Variants in LRRC7 observed in about 807,000 individuals in gnomAD.
The protein encoded by LRRC7 is leucine rich repeat containing 7.
In LRRC7, 23 loss-of-function variants were observed where a neutral mutation model predicts 175.7. That is an observed-to-expected ratio of 0.13 (90% CI 0.09 to 0.19). The LOEUF is 0.19. Ranked by LOEUF, LRRC7 falls within the 10% of genes least tolerant of loss-of-function variation. The probability of loss-of-function intolerance (pLI) is 1.00; values close to 1 mark genes in which losing one functional copy is unlikely to be tolerated. For missense variants in LRRC7, 1,354 were observed against 1,904.7 expected, an observed-to-expected ratio of 0.71 and a Z score of 5.38; for synonymous variants, 685 against 680.9, an observed-to-expected ratio of 1.01 and a Z score of -0.09.
At position 70,126,675 on chromosome 1, in the gene LRRC7, G is replaced by A. The variant is rs895455548; in HGVS notation, c.*4788G>A. Among the ~76,000 whole-genome samples the A allele has an allele frequency of 1.3e-5, 2 of 152,138 alleles. No homozygotes were observed. The highest frequency in any genetic ancestry group is 4.8e-5 in the African/African-American group (2 of 41,442). Reference sequence around the variant, plus strand: ...ATGTGGGCTGTGGACAAATAGATGTGCGCTATGTATAGAAAGCATGTGGGT... The same window carrying A: ...ATGTGGGCTGTGGACAAATAGATGTACGCTATGTATAGAAAGCATGTGGGT... On this transcript the variant is annotated 3_prime_UTR_variant, in exon 27 of 27. Coordinates refer to ENST00000651989, the MANE Select transcript of LRRC7 (RefSeq NM_001370785.2).
At chr1:69,607,249 TG>T (rs1310353468) in intron 1 of LRRC7, 4 of 152,148 alleles carry the variant, frequency 2.6e-5, no homozygotes, top group African/African-American at 9.7e-5. Context: ...TTTATGTTTT[TG>T]GAAGGCAAGT....
At position 70,136,618 on chromosome 1, in the gene LRRC7, G is replaced by C. The variant is rs892228966; in HGVS notation, c.*14731G>C. 1.3e-5 allele frequency among the ~76,000 whole-genome samples: 2 copies of C among 151,758 alleles called. No individual in the cohort carries two copies. Among genetic ancestry groups the C allele is most frequent in the African/African-American group, 4.8e-5 (2 of 41,354 alleles). ...CACAAAAAGTCTAATAAATGCTATC[G>C]TGTAGGTACAAAATATGAGGAAAGA... is the stretch of plus-strand genomic sequence containing the variant. On this transcript the variant is annotated 3_prime_UTR_variant, in exon 27 of 27. Transcript: ENST00000651989.
At chr1:69,808,576 T>C (rs979945977) in intron 4 of LRRC7, among the ~76,000 whole-genome samples, 2 of 152,136 alleles carry the variant, frequency 1.3e-5, no homozygotes, top group African/African-American at 4.8e-5. Flanking sequence ...CAGACTACAG[T>C]GCAATCAAAT....
chr1:69,816,841 C>G (rs1678658720), intron 4 of LRRC7, among the ~76,000 whole-genome samples: 2 of 152,198 alleles, frequency 1.3e-5, no homozygotes, highest in South Asian at 4.2e-4. Context: ...CTATTCTACT[C>G]TGTTTCTAAG....
At chr1:70,101,089 A>G (rs1664773739) in intron 25 of LRRC7, among the ~76,000 whole-genome samples, 1 of 152,130 alleles carries the variant, frequency 6.6e-6, no homozygotes, top group African/African-American at 2.4e-5. Flanking sequence ...TATAGCTTCA[A>G]TATTGATATT....
intron 11 of LRRC7, among the ~76,000 whole-genome samples, chr1:70,001,089 GATC>G (rs961464230): frequency 1.3e-5 from 2 of 151,904 alleles, no homozygotes; most frequent in Admixed American, 1.3e-4. Flanking sequence ...CCTCAATTAA[GATC>G]ATTTTTGTTT....
At chr1:69,733,436 G>T (rs1245592087) in intron 2 of LRRC7, among the ~76,000 whole-genome samples, 1 of 151,978 alleles carries the variant, frequency 6.6e-6, no homozygotes, top group African/African-American at 2.4e-5. Context: ...AGTCCTCCAG[G>T]AAAGGAGGAA....
chr1:69,836,340 T>C (rs1322410173), intron 6 of LRRC7, among the ~76,000 whole-genome samples: 1 of 152,020 alleles, frequency 6.6e-6, no homozygotes, highest in Non-Finnish European at 1.5e-5. Flanking sequence ...GAATTGGCAT[T>C]TCATCATTCA....
At chr1:69,714,279 A>G (rs1381423372) in intron 2 of LRRC7, among the ~76,000 whole-genome samples, 1 of 152,220 alleles carries the variant, frequency 6.6e-6, no homozygotes, top group Non-Finnish European at 1.5e-5. Flanking sequence ...AGTTTAATAC[A>G]TAAGCAATAT....
chr1:69,939,863 T>C (rs954251305), intron 8 of LRRC7, among the ~76,000 whole-genome samples: 4 of 152,008 alleles, frequency 2.6e-5, no homozygotes, highest in African/African-American at 9.7e-5. Context: ...CTCTAAACAA[T>C]AGTAGAGGTA....
At chr1:70,096,414 A>G (rs1664402055) in intron 25 of LRRC7, among the ~76,000 whole-genome samples, 2 of 152,234 alleles carry the variant, frequency 1.3e-5, no homozygotes, top group Non-Finnish European at 2.9e-5. Context: ...ACCCATCGCC[A>G]TGCACAAACC....
intron 2 of LRRC7, among the ~76,000 whole-genome samples, chr1:69,748,664 T>C (rs762039366): frequency 4.1e-4 from 63 of 152,240 alleles, no homozygotes; most frequent in Middle Eastern, 6.8e-3. Context: ...ATTAAGAACA[T>C]AAATCTTGTA....
chr1:70,061,288 A>G (rs1426808062), intron 23 of LRRC7, among the ~76,000 whole-genome samples: 1 of 152,286 alleles, frequency 6.6e-6, no homozygotes, highest in Admixed American at 6.5e-5. Flanking sequence ...AATTCCAAAC[A>G]GCTTTCTAAA....
intron 2 of LRRC7, among the ~76,000 whole-genome samples, chr1:69,698,396 AT>A (rs1415169185): frequency 2.6e-5 from 4 of 152,242 alleles, no homozygotes; most frequent in African/African-American, 9.6e-5. Flanking sequence ...AAAATGATGC[AT>A]TGCCAAAACA....
At chr1:69,680,465 G>T (rs1660337756) in intron 2 of LRRC7, among the ~76,000 whole-genome samples, 1 of 152,024 alleles carries the variant, frequency 6.6e-6, no homozygotes, top group Admixed American at 6.6e-5. Flanking sequence ...CTCATCAATT[G>T]GATTGTGACG....
intron 8 of LRRC7, among the ~76,000 whole-genome samples, chr1:69,933,396 G>T (rs1647590755): frequency 1.3e-5 from 2 of 152,270 alleles, no homozygotes; most frequent in Admixed American, 1.3e-4. Context: ...AGTGGGGGTG[G>T]TAAATAACAG....
intron 2 of LRRC7, among the ~76,000 whole-genome samples, chr1:69,687,643 C>A (rs747330238): frequency 7.1e-6 from 1 of 140,134 alleles, no homozygotes; most frequent in Non-Finnish European, 1.5e-5. Flanking sequence ...GTATTATGTA[C>A]ACTAAAAATA....
chr1:69,905,016 T>G (rs1646253675), intron 7 of LRRC7, among the ~76,000 whole-genome samples: 1 of 152,178 alleles, frequency 6.6e-6, no homozygotes, highest in Non-Finnish European at 1.5e-5. Flanking sequence ...TCATAGAATA[T>G]TACACAGTTA....
rs560935627 is a variant in LRRC7 at position 69,775,384 on chromosome 1, A to C, written c.303+14991A>C. On this transcript the variant is annotated intron_variant, in intron 3 of 26. Coordinates refer to ENST00000651989, the MANE Select transcript of LRRC7 (RefSeq NM_001370785.2). ...ACAGTTTGTTATACTCTAGAGAATT[A>C]ATCCCCTGTCAACTCCGAAAGGCTG... 3.3e-5 allele frequency among the ~76,000 whole-genome samples: 5 copies of C among 152,296 alleles called. No homozygotes were observed. The East Asian group carries it at 9.6e-4, about 29-fold the overall frequency.
Sources: allele counts gnomAD v4.1 joint callset (sites outside exome capture counted in the v4.1 genomes callset), GRCh38; gene constraint gnomAD v4.1.1; transcripts MANE v1.5; gene names NCBI Gene and HGNC (gene_info 2026-07-23, HGNC 2026-07-21).